Variants in TMCC2 observed in about 807,000 individuals in gnomAD.
TMCC2 encodes transmembrane and coiled-coil domain family 2.
Under a neutral mutation model 49.4 loss-of-function variants are expected in TMCC2, and 16 were observed. The ratio of observed to expected loss-of-function variants is 0.32; its 90% CI spans 0.22 to 0.49. The LOEUF is 0.49. Among genes scored for constraint, TMCC2 ranks in the 20% least tolerant of loss-of-function variants. The pLI, the probability that TMCC2 is intolerant of heterozygous loss-of-function variation, is 0.99. For missense variants in TMCC2, 762 were observed against 989.8 expected, an observed-to-expected ratio of 0.77 and a Z score of 3.09; for synonymous variants, 397 against 434.1, an observed-to-expected ratio of 0.91 and a Z score of 1.06.
intron 2 of TMCC2, among the ~76,000 whole-genome samples, chr1:205,252,342 C>T (rs1169060796): frequency 6.6e-6 from 1 of 152,218 alleles, no homozygotes; most frequent in Non-Finnish European, 1.5e-5. Context: ...GCTTCCTCCA[C>T]TCTGGCCTGA....
rs954516713 is a variant in TMCC2, at chr1:205,268,827, G to A, written c.748-123G>A. ...TGTCAGGGATACTGCTCTTGTGGTG[G>A]TTGTCTTCTTTTGGACTCCTGCATC... On this transcript the variant is annotated intron_variant, in intron 2 of 4. Coordinates refer to ENST00000358024, the MANE Select transcript of TMCC2 (RefSeq NM_014858.4). 14 of 908,416 alleles carry A rather than the reference G, an allele frequency of 1.5e-5. No homozygotes were observed. The African/African-American group carries it at 2.2e-4, about 14-fold the overall frequency. The allele number at this position is 908,416 out of a possible 1,614,324, so 56.3% of individuals were successfully genotyped here. A position where few individuals can be genotyped will look rare whatever the true frequency, so the allele number is the denominator to read the frequency against.
In TMCC2 at chr1:205,253,046, T is replaced by A. The variant is rs527888683; in HGVS notation, c.747+11002T>A. Among the ~76,000 whole-genome samples the A allele has an allele frequency of 2.4e-4, 37 of 151,842 alleles. No individual in the cohort carries two copies. The East Asian group carries it at 5.2e-3, about 21-fold the overall frequency. On this transcript the variant is annotated intron_variant, in intron 2 of 4. Coordinates refer to ENST00000358024, the MANE Select transcript of TMCC2 (RefSeq NM_014858.4). The stretch of plus-strand genomic sequence containing the variant: ...CTACTTGGGAGGCTGAGGCAGAGGA[T>A]CATTTGAGCCCCCCAGAGTTTGAGG...
At chr1:205,266,861 C>T (rs544407486) in intron 2 of TMCC2, among the ~76,000 whole-genome samples, 19 of 152,308 alleles carry the variant, frequency 1.2e-4, no homozygotes, top group East Asian at 3.9e-4. Context: ...TGTGATTACC[C>T]GCTTTTTGTC....
intron 1 of TMCC2, chr1:205,236,552 G>C (rs1016561323): frequency 6.6e-6 from 1 of 152,210 alleles, no homozygotes; most frequent in African/African-American, 2.4e-5. Flanking sequence ...GGTAATGTTA[G>C]GGACACAGAG....
Position 205,241,690 on chromosome 1 carries a change from C to T in TMCC2, c.393C>T (p.Arg131=), listed in dbSNP as rs769889858. The change falls in exon 2 of 5, where the codon CGC becomes CGT. Residue 131 remains arginine (R), a synonymous_variant. Transcript: ENST00000358024. The surrounding 1 kb of genome is among the most constrained non-coding windows in gnomAD (Gnocchi z 7.3). The stretch of plus-strand genomic sequence containing the variant: ...AGGAGCGCTCTCCGGAGATGCATCG[C>T]GTCTCCTACGCCATGTCCCTGCACG... The part of the protein sequence containing the change: ...DEKERSPEMH[R]VSYAMSLHDL... 1.4e-5 allele frequency: 22 copies of T among 1,613,610 alleles called. No homozygotes were observed. Among genetic ancestry groups the T allele is most frequent in the East Asian group, 8.9e-5 (4 of 44,902 alleles).
chr1:205,256,534 T>G (rs929648615), intron 2 of TMCC2: 8 of 1,052,632 alleles, frequency 7.6e-6, no homozygotes, highest in Non-Finnish European at 1.1e-5. Flanking sequence ...AGACTGGATT[T>G]CTGGGACAGG....
At chr1:205,246,050 C>CGG (rs1031623182) in intron 2 of TMCC2, among the ~76,000 whole-genome samples, 1 of 151,982 alleles carries the variant, frequency 6.6e-6, no homozygotes, top group African/African-American at 2.4e-5. Context: ...GTGCTGTGAA[C>CGG]GGGGCGTGAG....
intron 2 of TMCC2, among the ~76,000 whole-genome samples, chr1:205,243,556 G>A (rs1028431078): frequency 6.6e-6 from 1 of 152,204 alleles, no homozygotes; most frequent in African/African-American, 2.4e-5. Flanking sequence ...TAGTAGGTGA[G>A]AAAGTGAATA....
At chr1:205,235,571 A>ACT in intron 1 of TMCC2, among the ~76,000 whole-genome samples, 1 of 152,262 alleles carries the variant, frequency 6.6e-6, no homozygotes, top group South Asian at 2.1e-4. Flanking sequence ...CCAACTCAGA[A>ACT]CTCATTTCTG....
intron 1 of TMCC2, among the ~76,000 whole-genome samples, chr1:205,239,272 C>G (rs1275443278): frequency 1.3e-5 from 2 of 152,198 alleles, no homozygotes; most frequent in Non-Finnish European, 2.9e-5. Context: ...CCAGCTGGCC[C>G]CATCACAGTG....
At chr1:205,239,802 C>T (rs938426710) in intron 1 of TMCC2, among the ~76,000 whole-genome samples, 5 of 152,114 alleles carry the variant, frequency 3.3e-5, no homozygotes, top group Non-Finnish European at 5.9e-5. Flanking sequence ...TACACAAATA[C>T]ATAATAGTAC....
chr1:205,240,165 A>G (rs1244707270), intron 1 of TMCC2, among the ~76,000 whole-genome samples: 1 of 152,064 alleles, frequency 6.6e-6, no homozygotes, highest in Admixed American at 6.5e-5. Flanking sequence ...TCCAAGTCTC[A>G]CCCCTCCTTC....
chr1:205,244,884 G>A (rs142253572), intron 2 of TMCC2, among the ~76,000 whole-genome samples: 1 of 152,262 alleles, frequency 6.6e-6, no homozygotes, highest in East Asian at 1.9e-4. Flanking sequence ...AGAATAAAGA[G>A]GAGTGAGAGA....
intron 2 of TMCC2, among the ~76,000 whole-genome samples, chr1:205,248,657 G>A: frequency 6.6e-6 from 1 of 152,098 alleles, no homozygotes; most frequent in East Asian, 1.9e-4. Flanking sequence ...GTCCAGTGGA[G>A]ATGGCCTTGG....
At chr1:205,258,782 G>T (rs1021214599) in intron 2 of TMCC2, among the ~76,000 whole-genome samples, 15 of 152,358 alleles carry the variant, frequency 9.8e-5, no homozygotes, top group Middle Eastern at 6.8e-3. Flanking sequence ...TTACCGTAAG[G>T]TCACATGACC....
intron 2 of TMCC2, among the ~76,000 whole-genome samples, chr1:205,266,179 T>C (rs1661318409): frequency 6.8e-6 from 1 of 146,300 alleles, no homozygotes; most frequent in Non-Finnish European, 1.5e-5. Flanking sequence ...AGGCGGAGCT[T>C]GCAGTGAGCC....
chr1:205,261,878 C>T (rs763595353), intron 2 of TMCC2, among the ~76,000 whole-genome samples: 10 of 152,116 alleles, frequency 6.6e-5, no homozygotes, highest in Non-Finnish European at 7.4e-5. Flanking sequence ...CTTTACCTTC[C>T]GCAGACCCTG....
Position 205,261,196 on chromosome 1 carries a change from C to CT in TMCC2, c.748-7732dup, listed in dbSNP as rs34247734. ...GCACATGCTCACCAACACTTATTTCCTTTTTTTTTTTTTTTTTTTTTTGAA... is the reference window on the plus strand; with the variant it reads ...GCACATGCTCACCAACACTTATTTCCTTTTTTTTTTTTTTTTTTTTTTTGAA... On this transcript the variant is annotated intron_variant, in intron 2 of 4. Transcript: ENST00000358024. Among the ~76,000 whole-genome samples the CT allele has an allele frequency of 8.1e-3, 772 of 95,208 alleles. 16 individuals are homozygous for CT. The highest frequency in any genetic ancestry group is 0.023 in the East Asian group (80 of 3,446). The allele number at this position is 95,208 out of a possible 152,430, so 62.5% of individuals were successfully genotyped here.
intron 2 of TMCC2, chr1:205,256,490 C>A: frequency 6.9e-7 from 1 of 1,459,666 alleles, no homozygotes; most frequent in Non-Finnish European, 9.4e-7. Context: ...GAAGCAGAAG[C>A]TAGTGCAGAA....
Sources: allele counts gnomAD v4.1 joint callset (sites outside exome capture counted in the v4.1 genomes callset), GRCh38; gene constraint gnomAD v4.1.1; non-coding constraint Gnocchi (gnomAD v3.1); transcripts MANE v1.5; gene names NCBI Gene and HGNC (gene_info 2026-07-23, HGNC 2026-07-21).